Variants in ARMH4 observed in about 807,000 individuals in gnomAD.
ARMH4 encodes the protein armadillo like helical domain containing 4, also known as armadillo-like helical domain-containing protein 4.
ARMH4 carries 49 observed loss-of-function variants against 61.9 expected under a neutral mutation model. The ratio of observed to expected loss-of-function variants is 0.79; its 90% CI spans 0.63 to 1.00. ARMH4 has a LOEUF of 1.00. ARMH4 is among the 50% of genes least tolerant of loss of function. The pLI is 0.00. For synonymous variants in ARMH4, 368 were observed against 341.5 expected (o/e 1.08, Z -0.85); for missense variants, 934 against 930.0 (o/e 1.00, Z -0.06).
intron 5 of ARMH4, among the ~76,000 whole-genome samples, chr14:58,031,605 A>T (rs775451771): frequency 6.6e-6 from 1 of 152,164 alleles, no homozygotes; most frequent in Non-Finnish European, 1.5e-5. Flanking sequence ...ACTCCCAGAG[A>T]GGAACTTGCA....
At chr14:58,092,814 C>G (rs1885616652) in intron 5 of ARMH4, among the ~76,000 whole-genome samples, 1 of 137,346 alleles carries the variant, frequency 7.3e-6, no homozygotes, top group Non-Finnish European at 1.6e-5. Flanking sequence ...AAGATCCTTC[C>G]CTTTTTGTTT....
chr14:58,019,787 T>A (rs908068138), intron 5 of ARMH4, among the ~76,000 whole-genome samples: 7 of 151,906 alleles, frequency 4.6e-5, no homozygotes, highest in Non-Finnish European at 7.4e-5. Flanking sequence ...TGAGACTCTG[T>A]CTCAAAAAAA....
At chr14:58,094,732 T>C (rs920096199) in intron 5 of ARMH4, among the ~76,000 whole-genome samples, 1 of 152,048 alleles carries the variant, frequency 6.6e-6, no homozygotes, top group African/African-American at 2.4e-5. Flanking sequence ...TTCTAGAAAA[T>C]GCAAACTAAT....
At chr14:58,028,614 T>C (rs1052879707) in intron 5 of ARMH4, among the ~76,000 whole-genome samples, 4 of 152,188 alleles carry the variant, frequency 2.6e-5, no homozygotes, top group African/African-American at 9.6e-5. Context: ...GCCAAGGCCA[T>C]GTCTCTTGAT....
intron 5 of ARMH4, among the ~76,000 whole-genome samples, chr14:58,046,468 C>A (rs1430958622): frequency 3.3e-5 from 5 of 152,108 alleles, no homozygotes; most frequent in Admixed American, 3.3e-4. Context: ...AAGAAAGGCA[C>A]AAGTACCATT....
chr14:58,118,678 T>TCCCTAGAA (rs901787237), intron 4 of ARMH4, among the ~76,000 whole-genome samples: 2 of 152,144 alleles, frequency 1.3e-5, no homozygotes. Flanking sequence ...GGGCCCATAA[T>TCCCTAGAA]CCCTAGAAAC....
At chr14:58,008,902 G>A (rs62003275) in intron 6 of ARMH4, among the ~76,000 whole-genome samples, 413 of 152,284 alleles carry the variant, frequency 2.7e-3, no homozygotes, top group Non-Finnish European at 4.7e-3. Flanking sequence ...ATAACAACAG[G>A]TCTGGTCTTT....
chr14:58,085,383 C>CTAGATATTT (rs1566572994), intron 5 of ARMH4, among the ~76,000 whole-genome samples: 1 of 150,192 alleles, frequency 6.7e-6, no homozygotes, highest in African/African-American at 2.5e-5. Context: ...GAAGAGCCTA[C>CTAGATATTT]TAGATGTTTT....
chr14:58,100,545 T>C (rs1885934035), intron 4 of ARMH4, among the ~76,000 whole-genome samples: 1 of 152,120 alleles, frequency 6.6e-6, no homozygotes, highest in Non-Finnish European at 1.5e-5. Flanking sequence ...ATTATAAAGA[T>C]GGACCAGGGA....
At chr14:58,102,929 C>A (rs1438585673) in intron 4 of ARMH4, among the ~76,000 whole-genome samples, 1 of 151,230 alleles carries the variant, frequency 6.6e-6, no homozygotes, top group African/African-American at 2.4e-5. Flanking sequence ...AGGTCAGGAG[C>A]TCAAGACCAG....
At chr14:58,032,090 C>A (rs1305467080) in intron 5 of ARMH4, among the ~76,000 whole-genome samples, 1 of 152,120 alleles carries the variant, frequency 6.6e-6, no homozygotes. Flanking sequence ...CCGGCTCACT[C>A]CCACTCATTC....
At chr14:58,041,012 C>G (rs1165548895) in intron 5 of ARMH4, among the ~76,000 whole-genome samples, 2 of 152,178 alleles carry the variant, frequency 1.3e-5, no homozygotes, top group African/African-American at 4.8e-5. Context: ...AGGAACAGCT[C>G]CAGTCTACAG....
At chr14:58,118,580 C>G (rs947808326) in intron 4 of ARMH4, among the ~76,000 whole-genome samples, 6 of 151,868 alleles carry the variant, frequency 4.0e-5, no homozygotes, top group African/African-American at 1.5e-4. Context: ...CACTGAGGTG[C>G]CAGAAAGCCT....
chr14:58,090,576 C>A (rs1885522468), intron 5 of ARMH4, among the ~76,000 whole-genome samples: 1 of 152,154 alleles, frequency 6.6e-6, no homozygotes, highest in Non-Finnish European at 1.5e-5. Flanking sequence ...GGCTGCCTCT[C>A]TCTTAAGAAA....
chr14:58,001,498 C>T lies in ARMH4; in HGVS notation c.*3238G>A, dbSNP rs1881982408. 2 of 152,118 alleles carry T rather than the reference C, an allele frequency of 1.3e-5. No homozygotes were observed. The highest frequency in any genetic ancestry group is 2.1e-4 in the South Asian group (1 of 4,824). 9.4% of individuals were successfully genotyped at this position (152,118 alleles called of 1,614,324 possible). The stretch of plus-strand genomic sequence containing the variant: ...ATCTTCATACTGTTTTCCACAGTGG[C>T]TATCCATTTTACATTCCCACCCACA... On this transcript the variant is annotated 3_prime_UTR_variant, in exon 8 of 8. Coordinates refer to ENST00000267485, the MANE Select transcript of ARMH4 (RefSeq NM_001001872.4).
intron 5 of ARMH4, among the ~76,000 whole-genome samples, chr14:58,057,275 G>C (rs1566560950): frequency 6.6e-6 from 1 of 152,188 alleles, no homozygotes; most frequent in Admixed American, 6.5e-5. Context: ...TTGACTCTTT[G>C]ACCTGGCTCA....
At chr14:58,107,141 C>CT (rs1277942784) in intron 4 of ARMH4, among the ~76,000 whole-genome samples, 1 of 152,168 alleles carries the variant, frequency 6.6e-6, no homozygotes, top group Non-Finnish European at 1.5e-5. Flanking sequence ...ACAGCTTTGA[C>CT]TTTTTTAGAT....
intron 5 of ARMH4, among the ~76,000 whole-genome samples, chr14:58,020,211 A>G (rs1209972846): frequency 6.6e-6 from 1 of 152,186 alleles, no homozygotes; most frequent in African/African-American, 2.4e-5. Flanking sequence ...AAGCCTGTTC[A>G]GTACACCCAT....
rs182142109 is a variant in ARMH4, at chr14:58,097,527, A to C, written c.1832-546T>G. On this transcript the variant is annotated intron_variant, in intron 4 of 7. Coordinates refer to ENST00000267485, the MANE Select transcript of ARMH4 (RefSeq NM_001001872.4). ...TGTTCTCTCTAAGGAAGAGTAATCC[A>C]AGAAACTGGAAATAATTGCATCAAC... 2.0e-5 allele frequency among the ~76,000 whole-genome samples: 3 copies of C among 152,318 alleles called. No homozygotes were observed. The East Asian group carries it at 5.8e-4, about 29-fold the overall frequency.
Sources: gnomAD v4.1 joint callset for allele counts (sites outside exome capture counted in the v4.1 genomes callset) on GRCh38, gnomAD v4.1.1 for gene constraint, MANE v1.5 for transcripts, NCBI Gene and HGNC (gene_info 2026-07-23, HGNC 2026-07-21) for gene names.